Variants in SH2D7 observed in about 807,000 individuals in gnomAD.
SH2D7 encodes SH2 domain containing 7.
SH2D7 carries 32 observed loss-of-function variants against 40.8 expected under a neutral mutation model. That is an observed-to-expected ratio of 0.78 (90% CI 0.59 to 1.05). SH2D7 has a LOEUF of 1.05. SH2D7 is among the 50% of genes least tolerant of loss of function. The probability of loss-of-function intolerance (pLI) is 0.00; values close to 1 mark genes in which losing one functional copy is unlikely to be tolerated. For synonymous variants in SH2D7, 195 were observed against 221.5 expected (o/e 0.88, Z 1.06); for missense variants, 559 against 566.6 (o/e 0.99, Z 0.14).
At chr15:78,093,687 G>T (rs2141868892) in intron 1 of SH2D7, among the ~76,000 whole-genome samples, 1 of 152,352 alleles carries the variant, frequency 6.6e-6, no homozygotes, top group East Asian at 1.9e-4. Flanking sequence ...TGTGTGTAGT[G>T]CACATCCTGC....
chr15:78,100,080 A>G (rs1302559856), intron 4 of SH2D7, among the ~76,000 whole-genome samples: 4 of 152,186 alleles, frequency 2.6e-5, no homozygotes, highest in African/African-American at 9.7e-5. Context: ...TTCACCCATC[A>G]TATAGCACAT....
intron 2 of SH2D7, among the ~76,000 whole-genome samples, chr15:78,095,869 G>C (rs1444353845): frequency 6.6e-6 from 1 of 152,110 alleles, no homozygotes; most frequent in Non-Finnish European, 1.5e-5. Context: ...TGGAGACAGA[G>C]TCTCGCTCTC....
chr15:78,099,351 T>C (rs2073997175), intron 4 of SH2D7, among the ~76,000 whole-genome samples: 1 of 152,148 alleles, frequency 6.6e-6, no homozygotes, highest in East Asian at 1.9e-4. Context: ...CTCGCTCTGT[T>C]ACCCAGACTA....
chr15:78,100,121 T>C (rs1390286376), intron 4 of SH2D7, among the ~76,000 whole-genome samples: 1 of 152,234 alleles, frequency 6.6e-6, no homozygotes, highest in Non-Finnish European at 1.5e-5. Flanking sequence ...AGCGCAGCAG[T>C]AGGCTGCCCA....
upstream of SH2D7, among the ~76,000 whole-genome samples, chr15:78,090,967 T>C (rs2073937462): frequency 6.6e-6 from 1 of 152,174 alleles, no homozygotes; most frequent in African/African-American, 2.4e-5. Flanking sequence ...AACAGAACAC[T>C]GTCAGCACCA....
At chr15:78,096,645 A>C (rs894387714) in intron 2 of SH2D7, among the ~76,000 whole-genome samples, 6 of 147,710 alleles carry the variant, frequency 4.1e-5, no homozygotes, top group African/African-American at 1.5e-4. Context: ...ACAGGCAACC[A>C]CCACGACACC....
At chr15:78,097,857 G>C (rs981493453) in intron 2 of SH2D7, 72 bp from the exon 3 acceptor site, 5 of 1,560,622 alleles carry the variant, frequency 3.2e-6, no homozygotes, top group Admixed American at 1.9e-5. Context: ...CCCAGGCACA[G>C]AGCTCAGACC....
intron 5 of SH2D7, among the ~76,000 whole-genome samples, chr15:78,102,247 A>C (rs2074023004): frequency 6.6e-6 from 1 of 152,194 alleles, no homozygotes. Context: ...ACCCTGTTTA[A>C]AAAAACAAAC....
upstream of SH2D7, among the ~76,000 whole-genome samples, chr15:78,091,625 G>A (rs1372750164): frequency 1.3e-5 from 2 of 152,142 alleles, no homozygotes; most frequent in African/African-American, 4.8e-5. Flanking sequence ...GATACTCAGG[G>A]ATGTTTGTGT....
intron 4 of SH2D7, 81 bp from the exon 5 acceptor site, chr15:78,100,818 G>T: frequency 2.6e-6 from 4 of 1,513,932 alleles, no homozygotes; most frequent in Non-Finnish European, 1.8e-6. Context: ...GGGGGCCTCG[G>T]CTTATCTGAG....
intron 5 of SH2D7, among the ~76,000 whole-genome samples, chr15:78,102,727 C>A (rs1485301680): frequency 6.6e-6 from 1 of 151,896 alleles, no homozygotes; most frequent in African/African-American, 2.4e-5. Flanking sequence ...GTGTGGAGAG[C>A]GGTGGCCAGG....
rs374850692 is a variant in SH2D7, at chr15:78,103,477, C to T, written c.1318C>T (p.Arg440Trp). Reference sequence around the variant, plus strand: ...TCCTTCCTTGCAGCCTGACAAGCTTCGGAGGCTCTTCTTCACGTACAGGAA... The same window carrying T: ...TCCTTCCTTGCAGCCTGACAAGCTTTGGAGGCTCTTCTTCACGTACAGGAA... The part of the protein sequence containing the change: ...TGRTHKPDKL[R>W]RLFFTYRKHK... The change falls in exon 6 of 6, where the codon CGG (arginine) becomes TGG (tryptophan). Residue 440 changes from arginine (R) to tryptophan (W), a missense_variant. Physicochemically the swap from Arg to Trp is moderately radical, Grantham distance 101. Transcript: ENST00000328828. The T allele has an allele frequency of 1.4e-5, 22 of 1,561,634 alleles. No individual in the cohort carries two copies. The highest frequency in any genetic ancestry group is 4.7e-5 in the South Asian group (4 of 84,712).
intron 4 of SH2D7, among the ~76,000 whole-genome samples, chr15:78,099,362 G>C (rs1404172190): frequency 1.3e-5 from 2 of 152,026 alleles, no homozygotes; most frequent in African/African-American, 2.4e-5. Context: ...ACCCAGACTA[G>C]AGGGCAGTGG....
upstream of SH2D7, among the ~76,000 whole-genome samples, chr15:78,091,900 G>A (rs748566887): frequency 6.6e-5 from 10 of 152,150 alleles, no homozygotes; most frequent in Admixed American, 6.5e-5. Context: ...GGCTGACCCC[G>A]ACCCCTGACT....
At chr15:78,097,882 G>A (rs183003531) in intron 2 of SH2D7, 47 bp from the exon 3 acceptor site, 26 of 1,596,856 alleles carry the variant, frequency 1.6e-5, no homozygotes, top group Admixed American at 3.4e-5. Flanking sequence ...GCCAAGGCTG[G>A]GCTGCCTGTG....
chr15:78,094,310 T>C, intron 2 of SH2D7, 109 bp downstream of exon 2: 2 of 977,590 alleles, frequency 2.0e-6, no homozygotes, highest in Non-Finnish European at 1.5e-6. Context: ...CCCTGGGTCC[T>C]GACTCCTGAA....
At chr15:78,090,603 T>C (rs948807538), upstream of SH2D7, among the ~76,000 whole-genome samples, 3 of 148,990 alleles carry the variant, frequency 2.0e-5, no homozygotes, top group Admixed American at 2.0e-4. Context: ...AGACCTTCTG[T>C]ATTTCAGAAT....
intron 4 of SH2D7, among the ~76,000 whole-genome samples, 180 bp from the exon 5 acceptor site, chr15:78,100,719 C>T (rs2074007869): frequency 6.6e-6 from 1 of 152,068 alleles, no homozygotes; most frequent in African/African-American, 2.4e-5. Flanking sequence ...AAAAAAAGAA[C>T]AAGTTCTAGA....
intron 4 of SH2D7, 41 bp from the exon 5 acceptor site, chr15:78,100,858 T>C (rs772153354): frequency 1.3e-6 from 2 of 1,592,396 alleles, no homozygotes; most frequent in Non-Finnish European, 1.7e-6. Flanking sequence ...ATCTTAGTGA[T>C]GGGCTGCCCC....
Sources: allele counts gnomAD v4.1 joint callset (sites outside exome capture counted in the v4.1 genomes callset), GRCh38; gene constraint gnomAD v4.1.1; transcripts MANE v1.5; gene names NCBI Gene and HGNC (gene_info 2026-07-23, HGNC 2026-07-21).